The following SRPK2 variants were observed in gnomAD, a reference collection of about 807,000 sequenced individuals.
SRPK2 encodes SRSF protein kinase 2, also known as SFRS protein kinase 2.
Under a neutral mutation model 90.8 loss-of-function variants are expected in SRPK2, and 21 were observed. The observed-to-expected ratio is 0.23, with a 90% CI of 0.16 to 0.33. The LOEUF (loss-of-function observed/expected upper bound fraction) is 0.33, where lower values mean the gene tolerates loss of function less well. Among genes scored for constraint, SRPK2 ranks in the 10% least tolerant of loss-of-function variants. SRPK2 has a pLI of 1.00. For synonymous variants in SRPK2, 288 were observed against 311.1 expected, an observed-to-expected ratio of 0.93 and a Z score of 0.78; for missense variants, 620 against 869.0, an observed-to-expected ratio of 0.71 and a Z score of 3.60.
Position 105,170,977 on chromosome 7 carries a change from G to A in SRPK2, c.230-1712C>T, listed in dbSNP as rs944192466. Among the ~76,000 whole-genome samples, 10 of 42,214 alleles carry A rather than the reference G, an allele frequency of 2.4e-4. 1 individual carries two copies. Among genetic ancestry groups the A allele is most frequent in the East Asian group, 5.1e-4 (1 of 1,978 alleles). The allele number at this position is 42,214 out of a possible 152,430, so 27.7% of individuals were successfully genotyped here. ...AAAGAAAGAAAGAAAGAGAAAGAAAGAGAAAGAAAGAAAGAAAGAGAAAGA... is the reference window on the plus strand; with the variant it reads ...AAAGAAAGAAAGAAAGAGAAAGAAAAAGAAAGAAAGAAAGAAAGAGAAAGA... On this transcript the variant is annotated intron_variant, in intron 3 of 15. Coordinates refer to ENST00000393651, the MANE Select transcript of SRPK2 (RefSeq NM_182692.3).
chr7:105,165,351 C>T (rs946244482), intron 6 of SRPK2, among the ~76,000 whole-genome samples: 2 of 152,196 alleles, frequency 1.3e-5, no homozygotes, highest in African/African-American at 2.4e-5. Flanking sequence ...TCTTCCTAGA[C>T]ACACTTCCAA....
At chr7:105,157,516 G>C (rs187242117) in intron 7 of SRPK2, among the ~76,000 whole-genome samples, 1 of 152,272 alleles carries the variant, frequency 6.6e-6, no homozygotes, top group Admixed American at 6.5e-5. Context: ...GTAATTTCTT[G>C]AACAACTTAC....
At chr7:105,162,433 G>T (rs1190255410) in intron 6 of SRPK2, among the ~76,000 whole-genome samples, 1 of 152,092 alleles carries the variant, frequency 6.6e-6, no homozygotes, top group African/African-American at 2.4e-5. Flanking sequence ...CATACAGGAA[G>T]ATTACAAATG....
At chr7:105,386,430 C>T (rs1821611949) in intron 2 of SRPK2, among the ~76,000 whole-genome samples, 1 of 151,700 alleles carries the variant, frequency 6.6e-6, no homozygotes, top group Admixed American at 6.6e-5. Context: ...TATCTTGATT[C>T]AGGTCGGGCA....
intron 15 of SRPK2, among the ~76,000 whole-genome samples, chr7:105,120,336 C>T (rs2129571651): frequency 6.6e-6 from 1 of 152,266 alleles, no homozygotes. Flanking sequence ...TAAGATCCAT[C>T]AACAAGGCAT....
chr7:105,237,748 T>C (rs1800314727), intron 2 of SRPK2, among the ~76,000 whole-genome samples: 2 of 152,212 alleles, frequency 1.3e-5, no homozygotes, highest in African/African-American at 4.8e-5. Context: ...ATCTGAGTGC[T>C]GTGGTAAAGC....
chr7:105,331,323 A>AAAAAAAAAC (rs1563248566), intron 2 of SRPK2, among the ~76,000 whole-genome samples: 35 of 131,852 alleles, frequency 2.7e-4, no homozygotes, highest in African/African-American at 9.3e-4. Flanking sequence ...AAAAAAAAAA[A>AAAAAAAAAC]AAAAAAAAAA....
intron 2 of SRPK2, among the ~76,000 whole-genome samples, chr7:105,280,364 C>T (rs766790404): frequency 6.7e-6 from 1 of 149,826 alleles, no homozygotes; most frequent in South Asian, 2.1e-4. Flanking sequence ...GCAGTGAGAG[C>T]GAAGACTGAG....
At chr7:105,345,593 A>G (rs1816362037) in intron 2 of SRPK2, among the ~76,000 whole-genome samples, 2 of 152,242 alleles carry the variant, frequency 1.3e-5, no homozygotes, top group African/African-American at 2.4e-5. Flanking sequence ...AACATGAAAG[A>G]CAACTGAAAC....
chr7:105,176,542 T>C lies in SRPK2; in HGVS notation c.230-7277A>G, dbSNP rs1020025555. ...TTCACAGACAAGCCACAGAGATGTA[T>C]GTGGTTTTGCATATATGTGTGTGTG... On this transcript the variant is annotated intron_variant, in intron 3 of 15. Coordinates refer to ENST00000393651, the MANE Select transcript of SRPK2 (RefSeq NM_182692.3). Among the ~76,000 whole-genome samples, 9 of 152,044 alleles carry C rather than the reference T, an allele frequency of 5.9e-5. 1 individual carries two copies. In the Middle Eastern group the frequency reaches 0.01, roughly 172 times the overall value.
chr7:105,185,516 T>C (rs1052491633), intron 3 of SRPK2, among the ~76,000 whole-genome samples: 3 of 152,146 alleles, frequency 2.0e-5, no homozygotes, highest in East Asian at 3.8e-4. Context: ...ACTGAAGACA[T>C]GTTCCCAGGT....
At chr7:105,340,391 T>C (rs1379506923) in intron 2 of SRPK2, among the ~76,000 whole-genome samples, 1 of 150,766 alleles carries the variant, frequency 6.6e-6, no homozygotes, top group East Asian at 1.9e-4. Context: ...AACATTTTCT[T>C]TTCTCTCCTT....
intron 3 of SRPK2, among the ~76,000 whole-genome samples, chr7:105,173,268 CTAGTAA>C (rs1791389440): frequency 6.6e-6 from 1 of 152,080 alleles, no homozygotes; most frequent in South Asian, 2.1e-4. Context: ...CCATGCCTGG[CTAGTAA>C]TAGTATTTTT....
In SRPK2 at chr7:105,117,928, A is replaced by G. The variant is rs1184568176; in HGVS notation, c.2010T>C (p.Phe670=). The G allele has an allele frequency of 6.2e-7, 1 of 1,614,212 alleles. No homozygotes were observed. Among genetic ancestry groups the G allele is most frequent in the Non-Finnish European group, 8.5e-7 (1 of 1,180,030 alleles). Residue 670 remains phenylalanine (F), a synonymous_variant, in exon 16 of 16, where the codon TTT becomes TTC. Transcript: ENST00000393651. ...YGWPHEDAAQ[F]TDFLIPMLEM... ...CTAACATCGGGATCAGGAAATCTGT[A>G]AACTGTGCAGCATCTTCATGGGGCC...
intron 3 of SRPK2, among the ~76,000 whole-genome samples, chr7:105,181,343 CG>C (rs1230360722): frequency 6.6e-6 from 1 of 152,164 alleles, no homozygotes; most frequent in Non-Finnish European, 1.5e-5. Context: ...AGTTATCATT[CG>C]ACCCAGCAAT....
At chr7:105,181,888 A>AC (rs1324353671) in intron 3 of SRPK2, among the ~76,000 whole-genome samples, 2 of 147,470 alleles carry the variant, frequency 1.4e-5, no homozygotes, top group Admixed American at 6.7e-5. Flanking sequence ...AAGTAAAAAA[A>AC]AAAAAAAACA....
chr7:105,326,030 G>A (rs1019618087), intron 2 of SRPK2, among the ~76,000 whole-genome samples: 1 of 152,218 alleles, frequency 6.6e-6, no homozygotes, highest in Non-Finnish European at 1.5e-5. Flanking sequence ...CCGCACACGG[G>A]GACACGGGTC....
chr7:105,212,938 C>T (rs1797037182), intron 2 of SRPK2, among the ~76,000 whole-genome samples: 10 of 152,080 alleles, frequency 6.6e-5, no homozygotes, highest in Admixed American at 6.5e-4. Context: ...TTAGGTATTA[C>T]AACTATTTAC....
chr7:105,181,877 A>G (rs1792866115), intron 3 of SRPK2, among the ~76,000 whole-genome samples: 1 of 136,562 alleles, frequency 7.3e-6, no homozygotes, highest in Non-Finnish European at 1.6e-5. Context: ...ACCTAAGATA[A>G]AAGTAAAAAA....
Sources: allele counts gnomAD v4.1 joint callset (sites outside exome capture counted in the v4.1 genomes callset), GRCh38; gene constraint gnomAD v4.1.1; transcripts MANE v1.5; gene names NCBI Gene and HGNC (gene_info 2026-07-23, HGNC 2026-07-21).